The following BRAF variants were observed in gnomAD, a reference collection of about 807,000 sequenced individuals.
BRAF encodes B-Raf proto-oncogene, serine/threonine kinase.
A neutral mutation model predicts 104.6 loss-of-function variants in BRAF; 16 were observed. The observed-to-expected ratio is 0.15, with a 90% CI of 0.10 to 0.23. BRAF has a LOEUF of 0.23. Ranked by LOEUF, BRAF falls within the 10% of genes least tolerant of loss-of-function variation. BRAF has a pLI of 1.00. For synonymous variants in BRAF, 310 were observed against 341.6 expected (o/e 0.91, Z 1.02); for missense variants, 541 against 937.3 (o/e 0.58, Z 5.52).
At chr7:140,887,669 T>C (rs1168734248) in intron 1 of BRAF, among the ~76,000 whole-genome samples, 2 of 152,150 alleles carry the variant, frequency 1.3e-5, no homozygotes, top group Non-Finnish European at 2.9e-5. Context: ...GTAGGCTACA[T>C]TATTTAGTTA....
chr7:140,915,908 CA>C (rs1346730078), intron 1 of BRAF, among the ~76,000 whole-genome samples: 1 of 151,994 alleles, frequency 6.6e-6, no homozygotes, highest in Non-Finnish European at 1.5e-5. Flanking sequence ...CCTGTAATCC[CA>C]GCACTCTGGG....
chr7:140,803,607 T>G (rs1015143478), intron 5 of BRAF, among the ~76,000 whole-genome samples: 1 of 152,170 alleles, frequency 6.6e-6, no homozygotes, highest in African/African-American at 2.4e-5. Context: ...CTTAGAGGAT[T>G]AGAATGTTTG....
intron 14 of BRAF, among the ~76,000 whole-genome samples, chr7:140,754,958 CTA>C (rs1269561553): frequency 6.6e-6 from 1 of 152,158 alleles, no homozygotes; most frequent in Non-Finnish European, 1.5e-5. Flanking sequence ...TTAAAATCAT[CTA>C]TGTTACCCCT....
chr7:140,778,704 TAAA>T (rs1800561072), intron 12 of BRAF, among the ~76,000 whole-genome samples: 2 of 141,636 alleles, frequency 1.4e-5, no homozygotes, highest in Admixed American at 1.4e-4. Context: ...ATAATAATAA[TAAA>T]AAAAGAAAAT....
chr7:140,730,720 GA>G (rs565456137), intron 19 of BRAF: 223 of 116,766 alleles, frequency 1.9e-3, no homozygotes, highest in East Asian at 2.8e-3. Flanking sequence ...TGGGAAGACT[GA>G]AAAAAAAAAA....
At position 140,722,600 on chromosome 7, in the gene BRAF, G is replaced by C; in HGVS notation, c.*3894C>G. On this transcript the variant is annotated 3_prime_UTR_variant, in exon 20 of 20. Transcript: ENST00000644969. ...TGGAATCTGCTCGTCTCAAGGTGCT[G>C]GTATTCCTAGCACTAACAATGCCAA... 3 of 1,054,756 alleles carry C rather than the reference G, an allele frequency of 2.8e-6. No homozygotes were observed. The highest frequency in any genetic ancestry group is 3.4e-6 in the Non-Finnish European group (3 of 872,690). 65.3% of individuals were successfully genotyped at this position (1,054,756 alleles called of 1,614,324 possible).
At chr7:140,743,239 C>CTT (rs1797076210) in intron 17 of BRAF, among the ~76,000 whole-genome samples, 1 of 151,280 alleles carries the variant, frequency 6.6e-6, no homozygotes, top group African/African-American at 2.4e-5. Context: ...ACCCAAAGGA[C>CTT]TATAAATCAT....
chr7:140,905,347 G>T (rs1038021539), intron 1 of BRAF, among the ~76,000 whole-genome samples: 2 of 152,060 alleles, frequency 1.3e-5, no homozygotes, highest in Non-Finnish European at 2.9e-5. Context: ...TATTACTAAG[G>T]CTATTAAATC....
At chr7:140,869,136 GCACA>G (rs1811286582) in intron 1 of BRAF, among the ~76,000 whole-genome samples, 1 of 152,166 alleles carries the variant, frequency 6.6e-6, no homozygotes, top group Non-Finnish European at 1.5e-5. Context: ...ATCCCGGGAG[GCACA>G]TTAACCAGAG....
chr7:140,800,137 C>A (rs545661548), intron 7 of BRAF: 8 of 627,392 alleles, frequency 1.3e-5, no homozygotes, highest in East Asian at 3.1e-5. Flanking sequence ...CAAATCATAC[C>A]CAATATTGAT....
intron 14 of BRAF, among the ~76,000 whole-genome samples, chr7:140,774,876 T>A (rs1168964135): frequency 6.6e-6 from 1 of 152,204 alleles, no homozygotes; most frequent in Non-Finnish European, 1.5e-5. Context: ...AAGGTAAATC[T>A]ATCAATAATA....
intron 1 of BRAF, among the ~76,000 whole-genome samples, chr7:140,917,084 C>T (rs1296910246): frequency 6.6e-6 from 1 of 152,152 alleles, no homozygotes; most frequent in African/African-American, 2.4e-5. Flanking sequence ...AATGAATGAA[C>T]CTTAACCACT....
chr7:140,747,497 T>TCCAAA, intron 17 of BRAF: 1 of 924,280 alleles, frequency 1.1e-6, no homozygotes, highest in Non-Finnish European at 1.5e-6. Flanking sequence ...TGCTTTTATC[T>TCCAAA]GTATTTTGGA....
At chr7:140,917,749 C>T (rs777759481) in intron 1 of BRAF, among the ~76,000 whole-genome samples, 18 of 152,034 alleles carry the variant, frequency 1.2e-4, no homozygotes, top group Non-Finnish European at 2.4e-4. Flanking sequence ...ATGAACTGGC[C>T]CACTATCTGC....
At chr7:140,823,699 T>C (rs1047404114) in intron 3 of BRAF, 1 of 152,212 alleles carries the variant, frequency 6.6e-6, no homozygotes, top group African/African-American at 2.4e-5. Context: ...ATGGATTATA[T>C]GGTAATTCTA....
At chr7:140,738,470 A>T (rs1796625013) in intron 18 of BRAF, among the ~76,000 whole-genome samples, 1 of 152,218 alleles carries the variant, frequency 6.6e-6, no homozygotes, top group Non-Finnish European at 1.5e-5. Flanking sequence ...TATGGGAAAT[A>T]GCACTTCCCA....
chr7:140,762,612 T>TTG (rs1554395736), intron 14 of BRAF, among the ~76,000 whole-genome samples: 2 of 129,792 alleles, frequency 1.5e-5, no homozygotes, highest in African/African-American at 5.7e-5. Flanking sequence ...TGTTTTTTTT[T>TTG]TTTTTTTTTT....
chr7:140,767,292 C>T (rs927370208), intron 14 of BRAF, among the ~76,000 whole-genome samples: 2 of 152,112 alleles, frequency 1.3e-5, no homozygotes, highest in African/African-American at 4.8e-5. Flanking sequence ...GCATGAACCA[C>T]CGTGCCCAGC....
At chr7:140,894,994 G>T (rs376451919) in intron 1 of BRAF, among the ~76,000 whole-genome samples, 3 of 152,220 alleles carry the variant, frequency 2.0e-5, no homozygotes, top group African/African-American at 7.2e-5. Context: ...AAACGAATCA[G>T]CTCTTGATAC....
Sources: gnomAD v4.1 joint callset for allele counts (sites outside exome capture counted in the v4.1 genomes callset) on GRCh38, gnomAD v4.1.1 for gene constraint, MANE v1.5 for transcripts, NCBI Gene and HGNC (gene_info 2026-07-23, HGNC 2026-07-21) for gene names.